Variants in ABCB1 observed in about 807,000 individuals in gnomAD.
ABCB1 encodes the protein ATP binding cassette subfamily B member 1.
A neutral mutation model predicts 142.0 loss-of-function variants in ABCB1; 69 were observed. The observed-to-expected ratio is 0.49, with a 90% CI of 0.40 to 0.59. The LOEUF (loss-of-function observed/expected upper bound fraction) is 0.59. Ranked by LOEUF, ABCB1 falls within the 20% of genes least tolerant of loss-of-function variation. The probability of loss-of-function intolerance (pLI) is 0.00; values close to 1 mark genes in which losing one functional copy is unlikely to be tolerated. For missense variants in ABCB1, 1,326 were observed against 1,554.7 expected (o/e 0.85, Z 2.47); for synonymous variants, 532 against 539.2 (o/e 0.99, Z 0.18).
chr7:87,521,872 A>G, intron 21 of ABCB1: 1 of 773,296 alleles, frequency 1.3e-6, no homozygotes, highest in Non-Finnish European at 2.3e-6. Flanking sequence ...TGAAATCATG[A>G]CTGACCAAGG....
At chr7:87,566,279 T>A in intron 6 of ABCB1, 38 bp from the exon 7 acceptor site, 1 of 1,601,648 alleles carries the variant, frequency 6.2e-7, no homozygotes, top group Non-Finnish European at 8.6e-7. Context: ...ATTGTCAGAA[T>A]TGTAAACATC....
chr7:87,628,359 C>T (rs1820811379), intron 1 of ABCB1: 1 of 153,434 alleles, frequency 6.5e-6, no homozygotes, highest in Non-Finnish European at 1.4e-5. Context: ...TTGATAGGCG[C>T]AGAGAGGGTG....
At chr7:87,528,687 C>T (rs1815903926) in intron 21 of ABCB1, among the ~76,000 whole-genome samples, 1 of 152,146 alleles carries the variant, frequency 6.6e-6, no homozygotes, top group Non-Finnish European at 1.5e-5. Context: ...AGTGTGGGCT[C>T]TAATGTCACA....
At position 87,649,527 on chromosome 7, in the gene ABCB1, G is replaced by A. The variant is rs28381758; in HGVS notation, c.-330-48449C>T. Among the ~76,000 whole-genome samples, 418 of 152,298 alleles carry A rather than the reference G, an allele frequency of 2.7e-3. 3 individuals are homozygous for A. Among genetic ancestry groups the A allele is most frequent in the African/African-American group, 9.4e-3 (390 of 41,572 alleles). On this transcript the variant is annotated intron_variant, in intron 1 of 28. Transcript: ENST00000265724. ...TGTTTGTGCTAGGAATATGCAGGTGGATAATTCTCCATTGAGAAGATGACA... is the reference window on the plus strand; with the variant it reads ...TGTTTGTGCTAGGAATATGCAGGTGAATAATTCTCCATTGAGAAGATGACA...
At chr7:87,510,503 G>C (rs1179455256) in intron 25 of ABCB1, among the ~76,000 whole-genome samples, 2 of 152,232 alleles carry the variant, frequency 1.3e-5, no homozygotes, top group Non-Finnish European at 2.9e-5. Context: ...TATCAGATAG[G>C]TCTGCTTTGC....
chr7:87,564,223 C>T lies in ABCB1; in HGVS notation c.702+1847G>A, dbSNP rs1817695004. On this transcript the variant is annotated intron_variant, in intron 7 of 27. Coordinates refer to ENST00000622132, the MANE Select transcript of ABCB1 (RefSeq NM_001348946.2). The stretch of plus-strand genomic sequence containing the variant: ...TGCCTTACTCTAGCCGGCAGTTGTT[C>T]CATTGAAGTTTAGCATGATAGTATT... 9.2e-5 allele frequency: 38 copies of T among 411,206 alleles called. 2 individuals carry two copies. Among genetic ancestry groups the T allele is most frequent in the South Asian group, 7.1e-4 (38 of 53,326 alleles). The allele number at this position is 411,206 out of a possible 1,614,324, so 25.5% of individuals were successfully genotyped here.
chr7:87,631,119 TA>T lies in ABCB1; in HGVS notation c.-330-30042del, dbSNP rs2130188447. On this transcript the variant is annotated intron_variant, in intron 1 of 28. Coordinates refer to the ABCB1 transcript ENST00000265724. ...TCATTTGTATTGTTATTTATATGGA[TA>T]ATATTAAGGCTGTTTTTCAGATCCA... is the stretch of plus-strand genomic sequence containing the variant. Among the ~76,000 whole-genome samples the T allele has an allele frequency of 1.3e-5, 2 of 152,360 alleles. 1 individual carries two copies. Among genetic ancestry groups the T allele is most frequent in the South Asian group, 4.1e-4 (2 of 4,824 alleles).
At chr7:87,705,032 A>T (rs1423952428) in intron 1 of ABCB1, among the ~76,000 whole-genome samples, 1 of 152,234 alleles carries the variant, frequency 6.6e-6, no homozygotes, top group Non-Finnish European at 1.5e-5. Flanking sequence ...ATACAAGTAC[A>T]CTTGTATCAC....
At chr7:87,619,461 C>T (rs1275957535) in intron 1 of ABCB1, among the ~76,000 whole-genome samples, 1 of 151,740 alleles carries the variant, frequency 6.6e-6, no homozygotes, top group Non-Finnish European at 1.5e-5. Context: ...ATCACTTGAA[C>T]CCAGGAGGCA....
Position 87,520,767 on chromosome 7 carries a change from G to A in ABCB1, c.2786+9C>T, listed in dbSNP as rs41309222. On this transcript the variant is annotated intron_variant, in intron 22 of 27. Transcript: ENST00000622132. ...TCACACTCTCCTCCCACTCTTCAGC[G>A]GTTATTACCTGTATGGTACCTGCAA... 174 of 1,604,264 alleles carry A rather than the reference G, an allele frequency of 1.1e-4. No individual in the cohort carries two copies. In the East Asian group the frequency reaches 1.8e-3, roughly 16 times the overall value.
chr7:87,613,232 T>TTTCCAA lies in ABCB1; in HGVS notation c.-330-12160_-330-12155dup, dbSNP rs937964811. ...TTGATGAGATAATTTGGCTTCCTCT[T>TTTCCAA]TTCCAATTTGAATGTCCTTTATTTC... is the stretch of plus-strand genomic sequence containing the variant. On this transcript the variant is annotated intron_variant, in intron 1 of 28. Transcript: ENST00000265724. Among the ~76,000 whole-genome samples, 5 of 151,360 alleles carry TTTCCAA rather than the reference T, an allele frequency of 3.3e-5. 1 individual carries two copies. The highest frequency in any genetic ancestry group is 3.3e-4 in the Admixed American group (5 of 15,228).
At chr7:87,709,723 G>A (rs1357523118) in intron 1 of ABCB1, among the ~76,000 whole-genome samples, 1 of 152,098 alleles carries the variant, frequency 6.6e-6, no homozygotes, top group Non-Finnish European at 1.5e-5. Context: ...ATATTGATTA[G>A]TGTCACCTTT....
At chr7:87,697,840 A>G (rs1334133169) in intron 1 of ABCB1, among the ~76,000 whole-genome samples, 3 of 152,170 alleles carry the variant, frequency 2.0e-5, no homozygotes, top group Admixed American at 1.3e-4. Context: ...TCAAGATCCC[A>G]TAGCTAGAAA....
Position 87,566,128 on chromosome 7 carries a change from G to C in ABCB1, c.644C>G (p.Thr215Ser). Residue 215 changes from threonine to serine, a missense_variant, in exon 7 of 28, where the codon ACC becomes AGC. Physicochemically the swap from Thr to Ser is moderately conservative, Grantham distance 58 (BLOSUM62 1). Transcript: ENST00000622132. ...IVGFTRGWKL[T>S]LVILAISPVL... is the part of the protein sequence containing the mutation. ...AGGACTGATGGCCAAAATCACAAGGGTTAGCTTCCAACCACGTGTAAATCC... is the reference window on the plus strand; with the variant it reads ...AGGACTGATGGCCAAAATCACAAGGCTTAGCTTCCAACCACGTGTAAATCC... 1 of 1,614,140 alleles carries C rather than the reference G, an allele frequency of 6.2e-7. No homozygotes were observed. The highest frequency in any genetic ancestry group is 8.5e-7 in the Non-Finnish European group (1 of 1,180,022).
chr7:87,508,897 A>C (rs2117065644), intron 26 of ABCB1, among the ~76,000 whole-genome samples: 1 of 152,308 alleles, frequency 6.6e-6, no homozygotes, highest in Non-Finnish European at 1.5e-5. Context: ...GTGGGGACCC[A>C]GACTCTGTAC....
intron 14 of ABCB1, among the ~76,000 whole-genome samples, chr7:87,546,353 C>G (rs1584867124): frequency 6.6e-6 from 1 of 151,992 alleles, no homozygotes; most frequent in East Asian, 1.9e-4. Context: ...CTTTGGGAGG[C>G]CAAGGTGGGT....
At chr7:87,563,325 A>C (rs538524948) in intron 7 of ABCB1, 3 of 453,206 alleles carry the variant, frequency 6.6e-6, no homozygotes, top group South Asian at 1.6e-5. Context: ...AGGCCAGAAT[A>C]ATCCTGATAC....
chr7:87,675,653 CAAAAAAAAAA>C (rs200136132), intron 1 of ABCB1, among the ~76,000 whole-genome samples: 3 of 65,852 alleles, frequency 4.6e-5, no homozygotes, highest in Admixed American at 1.2e-4. Flanking sequence ...TATTCACATG[CAAAAAAAAAA>C]AAAAAAAAAG....
At chr7:87,578,860 AT>A (rs1818385703) in intron 4 of ABCB1, among the ~76,000 whole-genome samples, 1 of 151,320 alleles carries the variant, frequency 6.6e-6, no homozygotes, top group African/African-American at 2.4e-5. Context: ...CGCCCGGCTA[AT>A]TTTTTGTATT....
Sources: gnomAD v4.1 joint callset for allele counts (sites outside exome capture counted in the v4.1 genomes callset) on GRCh38, gnomAD v4.1.1 for gene constraint, MANE v1.5 for transcripts, NCBI Gene and HGNC (gene_info 2026-07-23, HGNC 2026-07-21) for gene names.